The following FANK1 variants were observed in gnomAD, a reference collection of about 807,000 sequenced individuals.
FANK1 encodes the protein fibronectin type III and ankyrin repeat domains 1.
A neutral mutation model predicts 45.3 loss-of-function variants in FANK1; 44 were observed. That is an observed-to-expected ratio of 0.97 (90% CI 0.76 to 1.25). The LOEUF is 1.25. Ranked by LOEUF, FANK1 falls within the 50% of genes most tolerant of loss-of-function variation. The pLI is 0.00. For missense variants in FANK1, 391 were observed against 424.4 expected (o/e 0.92, Z 0.69); for synonymous variants, 149 against 152.5 (o/e 0.98, Z 0.17).
At chr10:125,921,355 G>A (rs1215823114) in intron 1 of FANK1, among the ~76,000 whole-genome samples, 1 of 152,090 alleles carries the variant, frequency 6.6e-6, no homozygotes, top group Non-Finnish European at 1.5e-5. Context: ...TGTATCAACA[G>A]TTATTCCTTT....
At chr10:125,982,362 T>C (rs1951276930) in intron 2 of FANK1, among the ~76,000 whole-genome samples, 1 of 152,204 alleles carries the variant, frequency 6.6e-6, no homozygotes, top group Non-Finnish European at 1.5e-5. Context: ...GAGACCTGGT[T>C]GCTGTCAGGC....
At chr10:125,933,419 G>T (rs1407788385) in intron 1 of FANK1, among the ~76,000 whole-genome samples, 1 of 152,080 alleles carries the variant, frequency 6.6e-6, no homozygotes, top group Non-Finnish European at 1.5e-5. Flanking sequence ...ACTTATGTGT[G>T]TAAAGGTGTT....
intron 1 of FANK1, among the ~76,000 whole-genome samples, chr10:125,896,887 G>A (rs1478545101): frequency 6.6e-6 from 1 of 152,186 alleles, no homozygotes; most frequent in South Asian, 2.1e-4. Context: ...CTGGGGGCTG[G>A]GAGCGACTGG....
chr10:125,998,248 C>T (rs985921857), intron 6 of FANK1, among the ~76,000 whole-genome samples: 3 of 152,210 alleles, frequency 2.0e-5, no homozygotes, highest in Non-Finnish European at 2.9e-5. Context: ...ATGACATCGA[C>T]AGACAGCTGC....
chr10:125,908,281 C>G (rs892883280), intron 1 of FANK1, among the ~76,000 whole-genome samples: 6 of 152,172 alleles, frequency 3.9e-5, no homozygotes, highest in African/African-American at 1.4e-4. Context: ...CAGGTGTGAG[C>G]CACTGTGCCT....
At chr10:125,906,094 T>G (rs529856972) in intron 1 of FANK1, among the ~76,000 whole-genome samples, 289 of 152,414 alleles carry the variant, frequency 1.9e-3, no homozygotes, top group African/African-American at 6.1e-3. Flanking sequence ...CTAAAGGCTA[T>G]GGTTCACGTT....
intron 1 of FANK1, among the ~76,000 whole-genome samples, chr10:125,963,355 A>G (rs1458734681): frequency 6.6e-6 from 1 of 152,236 alleles, no homozygotes; most frequent in Non-Finnish European, 1.5e-5. Flanking sequence ...TCAAGGATGT[A>G]GAACTAGAAA....
At chr10:125,951,923 G>A (rs1173810314) in intron 1 of FANK1, among the ~76,000 whole-genome samples, 1 of 152,122 alleles carries the variant, frequency 6.6e-6, no homozygotes, top group East Asian at 1.9e-4. Context: ...AATTATTCTT[G>A]TACTGTAAAT....
intron 1 of FANK1, among the ~76,000 whole-genome samples, chr10:125,939,626 T>C (rs1176325111): frequency 1.3e-5 from 2 of 152,182 alleles, no homozygotes; most frequent in African/African-American, 4.8e-5. Flanking sequence ...TCCCCGTATC[T>C]CTTTAAATTA....
chr10:125,944,082 C>A (rs1292671823), intron 1 of FANK1, among the ~76,000 whole-genome samples: 1 of 152,144 alleles, frequency 6.6e-6, no homozygotes, highest in Non-Finnish European at 1.5e-5. Flanking sequence ...TTGAATTATT[C>A]TTGTGTATAC....
chr10:125,942,696 A>G (rs1948527905), intron 1 of FANK1, among the ~76,000 whole-genome samples: 2 of 151,696 alleles, frequency 1.3e-5, no homozygotes, highest in Non-Finnish European at 2.9e-5. Flanking sequence ...TACACCTGTT[A>G]TATTTTTCAT....
At chr10:126,002,728 G>A (rs998664965) in intron 6 of FANK1, among the ~76,000 whole-genome samples, 5 of 148,364 alleles carry the variant, frequency 3.4e-5, no homozygotes, top group Non-Finnish European at 7.4e-5. Context: ...CCCCACCTAG[G>A]CTTGGCAGTT....
intron 1 of FANK1, among the ~76,000 whole-genome samples, chr10:125,948,003 C>T (rs1357849798): frequency 2.7e-5 from 4 of 150,278 alleles, no homozygotes; most frequent in Non-Finnish European, 5.9e-5. Flanking sequence ...ACAACCTGCT[C>T]CTGAATGACT....
At chr10:125,898,145 C>A (rs529966482) in intron 1 of FANK1, among the ~76,000 whole-genome samples, 1 of 151,894 alleles carries the variant, frequency 6.6e-6, no homozygotes, top group Non-Finnish European at 1.5e-5. Context: ...CCAGATTGCA[C>A]CGCTGCACTC....
At chr10:125,982,251 T>C (rs1951268921) in intron 2 of FANK1, among the ~76,000 whole-genome samples, 1 of 152,262 alleles carries the variant, frequency 6.6e-6, no homozygotes, top group Admixed American at 6.5e-5. Flanking sequence ...GGCTGTGCCT[T>C]TGCTGGGTGG....
rs556729583 is a variant in FANK1 at position 125,952,164 on chromosome 10, G to A, written c.14-27997G>A. 2.9e-4 allele frequency among the ~76,000 whole-genome samples: 44 copies of A among 152,006 alleles called. No individual in the cohort carries two copies. In the Middle Eastern group the frequency reaches 0.02, roughly 71 times the overall value. On this transcript the variant is annotated intron_variant, in intron 1 of 10. Transcript: ENST00000368693. The stretch of plus-strand genomic sequence containing the variant: ...TGGTGTTTGTGTCCTACAAACCCAG[G>A]AATTTTCACAAATTTTATTTCATGT...
intron 1 of FANK1, among the ~76,000 whole-genome samples, chr10:125,946,184 T>G (rs1164275312): frequency 6.6e-6 from 1 of 151,710 alleles, no homozygotes; most frequent in Non-Finnish European, 1.5e-5. Flanking sequence ...AACTGGAAAC[T>G]CTAAAACGCA....
intron 1 of FANK1, among the ~76,000 whole-genome samples, chr10:125,954,478 A>G (rs1244326839): frequency 6.6e-6 from 1 of 152,232 alleles, no homozygotes; most frequent in Non-Finnish European, 1.5e-5. Context: ...TTGTTATTGT[A>G]GTGAAAATTA....
At chr10:125,943,552 C>T (rs1347877850) in intron 1 of FANK1, among the ~76,000 whole-genome samples, 1 of 152,122 alleles carries the variant, frequency 6.6e-6, no homozygotes, top group Non-Finnish European at 1.5e-5. Context: ...TCTGATTTGC[C>T]TATTCTGGAC....
Sources: allele counts gnomAD v4.1 joint callset (sites outside exome capture counted in the v4.1 genomes callset), GRCh38; gene constraint gnomAD v4.1.1; transcripts MANE v1.5; gene names NCBI Gene and HGNC (gene_info 2026-07-23, HGNC 2026-07-21).